Variants in RGS7 observed in about 807,000 individuals in gnomAD.
RGS7 encodes regulator of G protein signaling 7.
RGS7 carries 27 observed loss-of-function variants against 81.1 expected under a neutral mutation model. That is an observed-to-expected ratio of 0.33 (90% CI 0.25 to 0.46). RGS7 has a LOEUF of 0.46. Among genes scored for constraint, RGS7 ranks in the 20% least tolerant of loss-of-function variants. The probability of loss-of-function intolerance (pLI) is 1.00; values close to 1 mark genes in which losing one functional copy is unlikely to be tolerated. For missense variants in RGS7, 396 were observed against 607.4 expected (o/e 0.65, Z 3.66); for synonymous variants, 208 against 207.7 (o/e 1.00, Z -0.01).
chr1:241,015,074 A>T (rs2059155105), intron 3 of RGS7, among the ~76,000 whole-genome samples: 1 of 152,170 alleles, frequency 6.6e-6, no homozygotes, highest in Non-Finnish European at 1.5e-5. Flanking sequence ...CAAATTGAAA[A>T]ATTCTCCCAT....
At chr1:241,219,493 C>T (rs963790786) in intron 2 of RGS7, among the ~76,000 whole-genome samples, 8 of 152,096 alleles carry the variant, frequency 5.3e-5, no homozygotes, top group Non-Finnish European at 7.4e-5. Context: ...TGAAAACAGA[C>T]GAATACACAG....
intron 9 of RGS7, among the ~76,000 whole-genome samples, chr1:240,862,263 GT>G (rs1396476400): frequency 6.6e-6 from 1 of 151,980 alleles, no homozygotes; most frequent in African/African-American, 2.4e-5. Flanking sequence ...TGACCTCATG[GT>G]TTTTTGAAAG....
At chr1:241,210,040 T>C (rs2074153923) in intron 2 of RGS7, among the ~76,000 whole-genome samples, 1 of 152,124 alleles carries the variant, frequency 6.6e-6, no homozygotes, top group Admixed American at 6.6e-5. Flanking sequence ...GTCCAGAACA[T>C]GAGAATTGAT....
intron 2 of RGS7, among the ~76,000 whole-genome samples, chr1:241,345,438 G>A (rs775792856): frequency 6.6e-6 from 1 of 152,116 alleles, no homozygotes. Flanking sequence ...ATACTGTATT[G>A]AAAACTAAAA....
chr1:240,853,899 T>TAA (rs1660595132), intron 9 of RGS7, among the ~76,000 whole-genome samples: 1 of 3,942 alleles, frequency 2.5e-4, no homozygotes, highest in Non-Finnish European at 8.4e-4. Context: ...AGACTCCGTC[T>TAA]CAAAAAAAAA....
At chr1:240,904,465 G>A (rs1340443285) in intron 6 of RGS7, among the ~76,000 whole-genome samples, 2 of 152,142 alleles carry the variant, frequency 1.3e-5, no homozygotes, top group African/African-American at 4.8e-5. Context: ...AGAGTCATAT[G>A]TTTTGTATTT....
Position 240,813,690 on chromosome 1 carries a change from G to A in RGS7, c.884C>T (p.Pro295Leu), listed in dbSNP as rs1249029275. 1.9e-6 allele frequency: 3 copies of A among 1,613,514 alleles called. No homozygotes were observed. The highest frequency in any genetic ancestry group is 1.7e-5 in the Admixed American group (1 of 60,026). The change falls in exon 13 of 19, where the codon CCG becomes CTG. Residue 295 changes from proline to leucine, a missense_variant. Physicochemically the swap from Pro to Leu is moderately conservative, Grantham distance 98. Coordinates refer to ENST00000440928, the MANE Select transcript of RGS7 (RefSeq NM_001364886.1). ...AGAAGGGTCAGGTGGCAAAAGAAAC[G>A]GGTCGTATTCTAAATACTGTTCCGT... ...SYTEQYLEYD[P>L]FLLPPDPSNP...
chr1:241,136,766 A>G (rs568133122), intron 2 of RGS7, among the ~76,000 whole-genome samples: 2 of 152,164 alleles, frequency 1.3e-5, no homozygotes, highest in African/African-American at 4.8e-5. Flanking sequence ...TTTCACATGT[A>G]AAAAAAATTA....
At chr1:241,221,817 T>A (rs539623335) in intron 2 of RGS7, among the ~76,000 whole-genome samples, 23 of 152,240 alleles carry the variant, frequency 1.5e-4, no homozygotes, top group Non-Finnish European at 3.1e-4. Context: ...AGTTCTGGCC[T>A]ATTCTATAAA....
At chr1:241,263,287 T>A (rs867654865) in intron 2 of RGS7, among the ~76,000 whole-genome samples, 81 of 151,052 alleles carry the variant, frequency 5.4e-4, no homozygotes, top group Middle Eastern at 3.4e-3. Flanking sequence ...AAAAGAAAAA[T>A]ATATATATAT....
chr1:240,907,136 G>A (rs1572699695), intron 6 of RGS7, among the ~76,000 whole-genome samples: 2 of 152,144 alleles, frequency 1.3e-5, no homozygotes, highest in Non-Finnish European at 1.5e-5. Flanking sequence ...CTCCAGCTCT[G>A]ACATTCCATG....
At chr1:240,784,175 G>A (rs932413564) in intron 18 of RGS7, among the ~76,000 whole-genome samples, 3 of 149,820 alleles carry the variant, frequency 2.0e-5, no homozygotes, top group Non-Finnish European at 4.4e-5. Flanking sequence ...CTACAAAAGC[G>A]AAACTCTGTC....
At position 241,036,889 on chromosome 1, in the gene RGS7, G is replaced by A. The variant is rs138149680; in HGVS notation, c.176-53760C>T. Among the ~76,000 whole-genome samples, 29 of 152,246 alleles carry A rather than the reference G, an allele frequency of 1.9e-4. 1 individual carries two copies. The highest frequency in any genetic ancestry group is 7.0e-4 in the African/African-American group (29 of 41,542). Reference sequence around the variant, plus strand: ...TGTCAACCTCCAGTTATTTTTGCCTGTTGCACTCCACTAACAAGAATGGTG... The same window carrying A: ...TGTCAACCTCCAGTTATTTTTGCCTATTGCACTCCACTAACAAGAATGGTG... On this transcript the variant is annotated intron_variant, in intron 3 of 18. Coordinates refer to ENST00000440928, the MANE Select transcript of RGS7 (RefSeq NM_001364886.1).
At chr1:240,792,464 T>C (rs1202031784) in intron 18 of RGS7, among the ~76,000 whole-genome samples, 2 of 152,126 alleles carry the variant, frequency 1.3e-5, no homozygotes, top group African/African-American at 4.8e-5. Flanking sequence ...GATTACCTTC[T>C]TCTGTACTCT....
chr1:241,122,819 T>A (rs553118343), intron 2 of RGS7, among the ~76,000 whole-genome samples: 2 of 152,348 alleles, frequency 1.3e-5, no homozygotes, highest in South Asian at 4.1e-4. Flanking sequence ...AATGTCCCAC[T>A]TGATTTGTTG....
At chr1:241,262,022 T>TA (rs112273743) in intron 2 of RGS7, among the ~76,000 whole-genome samples, 1 of 151,936 alleles carries the variant, frequency 6.6e-6, no homozygotes, top group Non-Finnish European at 1.5e-5. Context: ...AGGATTTTTT[T>TA]AAGTGAAATG....
At chr1:241,128,777 C>CAAAAAAAA (rs71172680) in intron 2 of RGS7, among the ~76,000 whole-genome samples, 3 of 77,942 alleles carry the variant, frequency 3.8e-5, no homozygotes, top group Non-Finnish European at 5.1e-5. Context: ...GAATAATAGG[C>CAAAAAAAA]AAAAAAAAAA....
At chr1:241,145,391 A>G (rs994269836) in intron 2 of RGS7, among the ~76,000 whole-genome samples, 11 of 152,234 alleles carry the variant, frequency 7.2e-5, no homozygotes, top group African/African-American at 2.7e-4. Flanking sequence ...CATGAACAAA[A>G]GCATTCCCAC....
rs557995068 is a variant in RGS7, at chr1:241,170,942, G to A, written c.79-72180C>T. ...ATTTTAGGATAGTGAGACGTGATTG[G>A]TGATAGGAGTAATCTAATTAGACAA... On this transcript the variant is annotated intron_variant, in intron 2 of 18. Transcript: ENST00000440928. Among the ~76,000 whole-genome samples the A allele has an allele frequency of 3.3e-5, 5 of 152,266 alleles. 1 individual carries two copies. The South Asian group carries it at 1.0e-3, about 32-fold the overall frequency.
Sources: allele counts gnomAD v4.1 joint callset (sites outside exome capture counted in the v4.1 genomes callset), GRCh38; gene constraint gnomAD v4.1.1; transcripts MANE v1.5; gene names NCBI Gene and HGNC (gene_info 2026-07-23, HGNC 2026-07-21).